ZDHHC23: variants seen among roughly 807,000 people sequenced by gnomAD.
The protein encoded by ZDHHC23 is zDHHC palmitoyltransferase 23.
A neutral mutation model predicts 40.2 loss-of-function variants in ZDHHC23; 41 were observed. That is an observed-to-expected ratio of 1.02 (90% confidence interval 0.79 to 1.32). The LOEUF is 1.32. Ranked by LOEUF, ZDHHC23 falls within the 40% of genes most tolerant of loss-of-function variation. ZDHHC23 has a pLI of 0.00. For missense variants in ZDHHC23, 471 were observed against 541.5 expected, an observed-to-expected ratio of 0.87 and a Z score of 1.29; for synonymous variants, 204 against 210.2, an observed-to-expected ratio of 0.97 and a Z score of 0.26.
At position 113,960,068 on chromosome 3, in the gene ZDHHC23, G is replaced by T. The variant is rs1262744920; in HGVS notation, c.*1438G>T. 40 of 989,144 alleles carry T rather than the reference G, an allele frequency of 4.0e-5. No homozygotes were observed. Among genetic ancestry groups the T allele is most frequent in the Non-Finnish European group, 4.6e-5 (38 of 832,124 alleles). 61.3% of individuals were successfully genotyped at this position (989,144 alleles called of 1,614,324 possible). ...AGATAATTCATGACTCCTTAAATTTGCCTTGGCTTATAGCTTAATATAGGG... is the reference window on the plus strand; with the variant it reads ...AGATAATTCATGACTCCTTAAATTTTCCTTGGCTTATAGCTTAATATAGGG... On this transcript the variant is annotated 3_prime_UTR_variant, in exon 5 of 5. Transcript: ENST00000638807.
At chr3:113,967,369 G>GCCTACATTTCTCTTTCTTTC (rs148571309), downstream of ZDHHC23, among the ~76,000 whole-genome samples, 1,577 of 150,852 alleles carry the variant, frequency 0.01, 12 homozygotes, top group Middle Eastern at 0.018. Flanking sequence ...GATCATCCTT[G>GCCTACATTTCTCTTTCTTTC]CCTACATTTC....
In ZDHHC23 at chr3:113,960,051, C is replaced by T. The variant is rs1939578366; in HGVS notation, c.*1421C>T. 2 of 989,104 alleles carry T rather than the reference C, an allele frequency of 2.0e-6. No homozygotes were observed. The highest frequency in any genetic ancestry group is 1.2e-6 in the Non-Finnish European group (1 of 832,090). 61.3% of individuals were successfully genotyped at this position (989,104 alleles called of 1,614,324 possible). A position where few individuals can be genotyped will look rare whatever the true frequency, so the allele number is the denominator to read the frequency against. On this transcript the variant is annotated 3_prime_UTR_variant, in exon 5 of 5. Transcript: ENST00000638807. ...CTGTTGTGCAATCCCAAAGATAATT[C>T]ATGACTCCTTAAATTTGCCTTGGCT...
downstream of ZDHHC23, among the ~76,000 whole-genome samples, chr3:113,968,462 T>C (rs77862559): frequency 0.041 from 5,993 of 144,856 alleles, 137 homozygotes; most frequent in Middle Eastern, 0.1. Context: ...TTCCCCCCCC[T>C]TTTTTTTTTA....
chr3:113,955,359 C>CGTGTGTGTGTGTGT (rs68123933), intron 3 of ZDHHC23, among the ~76,000 whole-genome samples: 38 of 147,520 alleles, frequency 2.6e-4, no homozygotes, highest in African/African-American at 9.5e-4. Context: ...TTCACTTATT[C>CGTGTGTGTGTGTGT]GTGTGTGTGT....
In ZDHHC23 at chr3:113,960,825, A is replaced by C; in HGVS notation, c.*2195A>C. 6.7e-7 allele frequency: 1 copy of C among 1,494,148 alleles called. No homozygotes were observed. 92.6% of individuals were successfully genotyped at this position (1,494,148 alleles called of 1,614,324 possible). A position where few individuals can be genotyped will look rare whatever the true frequency, so the allele number is the denominator to read the frequency against. ...AGATACTTGTTTTAAGTTCCTTGAG[A>C]ACCCATGATGGACAGTTGACAGAAT... On this transcript the variant is annotated 3_prime_UTR_variant, in exon 5 of 5. Transcript: ENST00000638807.
At chr3:113,974,624 G>A in the ZDHHC23 span, among the ~76,000 whole-genome samples, 187 of 152,024 alleles carry the variant, frequency 1.2e-3, no homozygotes, top group African/African-American at 4.3e-3. Context: ...CGGCCAACTC[G>A]CTGTTGTTTC....
At chr3:113,977,264 G>T in the ZDHHC23 span, among the ~76,000 whole-genome samples, 1 of 151,996 alleles carries the variant, frequency 6.6e-6, no homozygotes, top group African/African-American at 2.4e-5. Flanking sequence ...ACTTCAGCCC[G>T]GGCAACAGAG....
chr3:113,950,492 T>A (rs1481099251), intron 2 of ZDHHC23, among the ~76,000 whole-genome samples: 2 of 152,078 alleles, frequency 1.3e-5, no homozygotes, highest in African/African-American at 4.8e-5. Flanking sequence ...AGGGCACAAG[T>A]CTCATTCATG....
chr3:113,954,228 G>T lies in ZDHHC23; in HGVS notation c.690G>T (p.Ser230=). 9 of 1,614,164 alleles carry T rather than the reference G, an allele frequency of 5.6e-6. No homozygotes were observed. The highest frequency in any genetic ancestry group is 7.6e-6 in the Non-Finnish European group (9 of 1,180,026). ...KTKGFPGADM[S]GSLNNRTTKD... ...AAGGGTTCCCTGGGGCAGACATGTC[G>T]GGCAGTCTCAACAATCGCACAACAA... Residue 230 remains serine (S), a synonymous_variant, in exon 3 of 5, where the codon TCG becomes TCT. Coordinates refer to ENST00000638807, the MANE Select transcript of ZDHHC23 (RefSeq NM_001320466.2).
At position 113,951,865 on chromosome 3, in the gene ZDHHC23, C is replaced by T. The variant is rs150856191; in HGVS notation, c.162-1835C>T. Among the ~76,000 whole-genome samples, 662 of 152,290 alleles carry T rather than the reference C, an allele frequency of 4.3e-3. 2 individuals carry two copies. Among genetic ancestry groups the T allele is most frequent in the Non-Finnish European group, 6.4e-3 (438 of 68,018 alleles). On this transcript the variant is annotated intron_variant, in intron 2 of 4. Coordinates refer to ENST00000638807, the MANE Select transcript of ZDHHC23 (RefSeq NM_001320466.2). ...TAAATTATTTCTCTTTGGCTGGGCG[C>T]GGTGACTCACACCTGTAATCCCAGC...
At chr3:113,974,945 A>C in the ZDHHC23 span, among the ~76,000 whole-genome samples, 1 of 152,156 alleles carries the variant, frequency 6.6e-6, no homozygotes, top group African/African-American at 2.4e-5. Context: ...GTATTTTTTT[A>C]TGCTTGGTAA....
At chr3:113,952,439 T>C (rs1938766410) in intron 2 of ZDHHC23, among the ~76,000 whole-genome samples, 1 of 152,216 alleles carries the variant, frequency 6.6e-6, no homozygotes, top group Non-Finnish European at 1.5e-5. Flanking sequence ...CTCTTAGGGA[T>C]TCTCGAAGAT....
At chr3:113,971,360 T>C in the ZDHHC23 span, among the ~76,000 whole-genome samples, 1 of 152,246 alleles carries the variant, frequency 6.6e-6, no homozygotes, top group South Asian at 2.1e-4. Flanking sequence ...TGCATAAATG[T>C]CTTCTTTTGA....
Position 113,948,923 on chromosome 3 carries a change from T to TG in ZDHHC23, c.122dup (p.Cys41TrpfsTer4). The TG allele has an allele frequency of 6.2e-7, 1 of 1,614,110 alleles. No homozygotes were observed. The highest frequency in any genetic ancestry group is 1.3e-5 in the African/African-American group (1 of 75,014). Reference sequence around the variant, plus strand: ...TGGGGAAAAGAACCACGTGGCTACTTGTTTGTGTGATTGTCAAGATCTGGA... The same window carrying TG: ...TGGGGAAAAGAACCACGTGGCTACTTGGTTTGTGTGATTGTCAAGATCTGGA... On this transcript the variant is annotated frameshift_variant, in exon 2 of 5. Transcript: ENST00000638807. LOFTEE classifies it high-confidence loss of function.
At chr3:113,966,795 G>T (rs1357375641), downstream of ZDHHC23, among the ~76,000 whole-genome samples, 1 of 151,734 alleles carries the variant, frequency 6.6e-6, no homozygotes, top group African/African-American at 2.4e-5. Context: ...GTTGGTGGAG[G>T]TACTGCTTTA....
At chr3:113,978,809 A>G in the ZDHHC23 span, 1 of 1,567,572 alleles carries the variant, frequency 6.4e-7, no homozygotes, top group Non-Finnish European at 8.7e-7. Context: ...TTTCTTAAAT[A>G]GAATTGAGCA....
chr3:113,970,382 A>G (rs1462657872), downstream of ZDHHC23, among the ~76,000 whole-genome samples: 1 of 151,638 alleles, frequency 6.6e-6, no homozygotes. Context: ...CTGGTCTTGA[A>G]CCCTTGGCCT....
Position 113,948,811 on chromosome 3 carries a change from G to C in ZDHHC23, c.9G>C (p.Gln3His), listed in dbSNP as rs1938379479. The change falls in exon 2 of 5, where the codon CAG becomes CAC. Residue 3 changes from glutamine to histidine, a missense_variant. Gln to His is a conservative substitution (Grantham distance 24). Transcript: ENST00000638807. ...GGTGACAGGTGCAAATCATGACACA[G>C]AAGGGCAGTATGAAGCCTGTGAAGA... MT[Q>H]KGSMKPVKKK... 2 of 1,614,104 alleles carry C rather than the reference G, an allele frequency of 1.2e-6. No homozygotes were observed. The highest frequency in any genetic ancestry group is 1.3e-5 in the African/African-American group (1 of 74,922).
At chr3:113,964,458 A>G (rs1425346215), downstream of ZDHHC23, 1 of 152,218 alleles carries the variant, frequency 6.6e-6, no homozygotes, top group Non-Finnish European at 1.5e-5. Flanking sequence ...AACTGAGTGT[A>G]TTATTCAGCA....
Sources: gnomAD v4.1 joint callset for allele counts (sites outside exome capture counted in the v4.1 genomes callset) on GRCh38, gnomAD v4.1.1 for gene constraint, MANE v1.5 for transcripts, NCBI Gene and HGNC (gene_info 2026-07-23, HGNC 2026-07-21) for gene names.